LIMS1: variants seen among roughly 807,000 people sequenced by gnomAD.
LIMS1 encodes the protein LIM and senescent cell antigen-like-containing domain protein 1.
Under a neutral mutation model 44.1 loss-of-function variants are expected in LIMS1, and 18 were observed. That is an observed-to-expected ratio of 0.41 (90% CI 0.28 to 0.61). The LOEUF is 0.61. Among genes scored for constraint, LIMS1 ranks in the 20% least tolerant of loss-of-function variants. The pLI is 0.32. For missense variants in LIMS1, 201 were observed against 422.0 expected, an observed-to-expected ratio of 0.48 and a Z score of 4.59; for synonymous variants, 93 against 149.1, an observed-to-expected ratio of 0.62 and a Z score of 2.74.
chr2:108,566,508 C>A (rs957552925), intron 1 of LIMS1, among the ~76,000 whole-genome samples: 1 of 152,178 alleles, frequency 6.6e-6, no homozygotes, highest in African/African-American at 2.4e-5. Context: ...GTTAGAGTTT[C>A]AAATTTGAGT....
At position 108,576,526 on chromosome 2, in the gene LIMS1, G is replaced by A. The variant is rs576882449; in HGVS notation, c.32+41932G>A. Among the ~76,000 whole-genome samples the A allele has an allele frequency of 1.8e-4, 27 of 152,134 alleles. No individual in the cohort carries two copies. In the South Asian group the frequency reaches 3.3e-3, roughly 19 times the overall value. On this transcript the variant is annotated intron_variant, in intron 1 of 9. Coordinates refer to ENST00000544547, the Ensembl canonical transcript of LIMS1. ...AGCGATTCTTCTGCCTCAGCCTCCC[G>A]AGTAGCTGGGATTACAAGCACGTGC...
chr2:108,558,002 A>G (rs1684981325), intron 1 of LIMS1, among the ~76,000 whole-genome samples: 1 of 152,250 alleles, frequency 6.6e-6, no homozygotes, highest in African/African-American at 2.4e-5. Context: ...TATAAAATAC[A>G]AGATCTCACA....
At chr2:108,559,328 G>A (rs932742066) in intron 1 of LIMS1, among the ~76,000 whole-genome samples, 3 of 152,148 alleles carry the variant, frequency 2.0e-5, no homozygotes, top group Admixed American at 2.0e-4. Flanking sequence ...AAAATAACTT[G>A]TAAAAATGTG....
rs994774961 is a variant in LIMS1 at position 108,584,893 on chromosome 2, T to G, written c.32+50299T>G. Among the ~76,000 whole-genome samples the G allele has an allele frequency of 4.6e-5, 7 of 152,110 alleles. No individual in the cohort carries two copies. The East Asian group carries it at 1.2e-3, about 25-fold the overall frequency. On this transcript the variant is annotated intron_variant, in intron 1 of 9. Coordinates refer to ENST00000544547, the Ensembl canonical transcript of LIMS1. The stretch of plus-strand genomic sequence containing the variant: ...AGGGCCTGGAGCAGTAGCTCACGCT[T>G]GTAATCCCAGCACTTCGGGAGGCCA...
exon 10 of LIMS1, chr2:108,685,434 T>G (rs1243250673): frequency 2.1e-5 from 2 of 95,910 alleles, no homozygotes; most frequent in Non-Finnish European, 6.1e-5. Flanking sequence ...AATATTTGGG[T>G]TTTTTTTCCA....
Position 108,574,049 on chromosome 2 carries a change from C to CA in LIMS1, c.32+39463dup, listed in dbSNP as rs376574565. Among the ~76,000 whole-genome samples the CA allele has an allele frequency of 2.1e-3, 319 of 151,670 alleles. 3 individuals are homozygous for CA. Among genetic ancestry groups the CA allele is most frequent in the African/African-American group, 7.3e-3 (302 of 41,376 alleles). On this transcript the variant is annotated intron_variant, in intron 1 of 9. Transcript: ENST00000544547. ...TGCCTGAATCCCCCCTCCCCCCCACCAAAAAAAAGTGGAAATCAGTCTGGG... is the reference window on the plus strand; with the variant it reads ...TGCCTGAATCCCCCCTCCCCCCCACCAAAAAAAAAGTGGAAATCAGTCTGGG...
chr2:108,578,155 C>T (rs544531189), intron 1 of LIMS1, among the ~76,000 whole-genome samples: 62 of 152,256 alleles, frequency 4.1e-4, no homozygotes, highest in Non-Finnish European at 7.8e-4. Flanking sequence ...GTGATCCACC[C>T]GCCTTGGCCT....
chr2:108,551,844 T>C (rs1161207596), intron 1 of LIMS1, among the ~76,000 whole-genome samples: 15 of 146,664 alleles, frequency 1.0e-4, no homozygotes, highest in Non-Finnish European at 1.8e-4. Context: ...ACATATACTG[T>C]ATATATACTA....
At chr2:108,554,636 C>T (rs1254714940) in intron 1 of LIMS1, among the ~76,000 whole-genome samples, 2 of 152,138 alleles carry the variant, frequency 1.3e-5, no homozygotes. Flanking sequence ...GGTAATTTGT[C>T]ACCTGCACTA....
chr2:108,674,741 GAA>G (rs1692406414), intron 5 of LIMS1, among the ~76,000 whole-genome samples: 1 of 138,914 alleles, frequency 7.2e-6, no homozygotes, highest in African/African-American at 2.6e-5. Flanking sequence ...AAAAAAAAGA[GAA>G]AGAAAGAAAA....
At chr2:108,537,824 C>T (rs1178915850) in intron 1 of LIMS1, among the ~76,000 whole-genome samples, 1 of 152,168 alleles carries the variant, frequency 6.6e-6, no homozygotes, top group African/African-American at 2.4e-5. Flanking sequence ...AGTAGGCTTT[C>T]CTTTCCTCCT....
At chr2:108,569,620 AGG>A (rs1157403157) in intron 1 of LIMS1, among the ~76,000 whole-genome samples, 1 of 152,104 alleles carries the variant, frequency 6.6e-6, no homozygotes, top group Non-Finnish European at 1.5e-5. Flanking sequence ...TTTTTGAGAC[AGG>A]GTCTCTCTGT....
chr2:108,600,349 C>A (rs1433088580), intron 1 of LIMS1, among the ~76,000 whole-genome samples: 1 of 151,836 alleles, frequency 6.6e-6, no homozygotes, highest in African/African-American at 2.4e-5. Flanking sequence ...CCACGCCTGG[C>A]CTTGCAGAAG....
intron 1 of LIMS1, among the ~76,000 whole-genome samples, chr2:108,626,427 CT>C (rs897666702): frequency 6.6e-6 from 1 of 152,096 alleles, no homozygotes; most frequent in Non-Finnish European, 1.5e-5. Flanking sequence ...GCTAGTGTTG[CT>C]TTTTAAAAGT....
intron 1 of LIMS1, among the ~76,000 whole-genome samples, chr2:108,618,340 A>G (rs944671559): frequency 6.6e-6 from 1 of 152,196 alleles, no homozygotes; most frequent in African/African-American, 2.4e-5. Context: ...ATAATTAATA[A>G]TTCCATCTCC....
chr2:108,559,894 G>A (rs1441810096), intron 1 of LIMS1, among the ~76,000 whole-genome samples: 2 of 152,128 alleles, frequency 1.3e-5, no homozygotes, highest in South Asian at 2.1e-4. Flanking sequence ...TTTATACCAC[G>A]GACTGTCGTA....
intron 1 of LIMS1, among the ~76,000 whole-genome samples, chr2:108,550,989 C>T (rs1684670548): frequency 6.6e-6 from 1 of 151,758 alleles, no homozygotes; most frequent in Admixed American, 6.6e-5. Context: ...TTCAGCTGGG[C>T]GTGGTGGCAC....
Position 108,665,056 on chromosome 2 carries a change from T to C in LIMS1, c.192+5292T>C, listed in dbSNP as rs374700947. 2.6e-5 allele frequency among the ~76,000 whole-genome samples: 4 copies of C among 152,334 alleles called. No homozygotes were observed. In the East Asian group the frequency reaches 7.7e-4, roughly 29 times the overall value. On this transcript the variant is annotated intron_variant, in intron 2 of 9. Transcript: ENST00000544547. ...GCTGAAACCCATAAGGCTCAGTCTT[T>C]CCCTGCCTTATGTATTTTCTCATTA...
chr2:108,684,460 C>A (rs1450761920), exon 10 of LIMS1: 1 of 152,072 alleles, frequency 6.6e-6, no homozygotes, highest in African/African-American at 2.4e-5. Flanking sequence ...AAAAACAAAT[C>A]TTATACAATC....
Sources: allele counts gnomAD v4.1 joint callset (sites outside exome capture counted in the v4.1 genomes callset), GRCh38; gene constraint gnomAD v4.1.1; transcripts MANE v1.5; gene names NCBI Gene and HGNC (gene_info 2026-07-23, HGNC 2026-07-21).